The following SUGT1 variants were observed in gnomAD, a reference collection of about 807,000 sequenced individuals.
SUGT1 encodes the protein SGT1 assembly cochaperone of MIS12 kinetochore complex.
Under a neutral mutation model 56.1 loss-of-function variants are expected in SUGT1, and 15 were observed. That is an observed-to-expected ratio of 0.27 (90% CI 0.18 to 0.41). The LOEUF (loss-of-function observed/expected upper bound fraction) is 0.41. Among genes scored for constraint, SUGT1 ranks in the 10% least tolerant of loss-of-function variants. The pLI is 1.00. For missense variants in SUGT1, 347 were observed against 382.2 expected (o/e 0.91, Z 0.77); for synonymous variants, 123 against 128.6 (o/e 0.96, Z 0.30).
At chr13:52,684,549 T>G (rs567711903) in intron 12 of SUGT1, among the ~76,000 whole-genome samples, 6 of 152,098 alleles carry the variant, frequency 3.9e-5, no homozygotes, top group African/African-American at 1.4e-4. Flanking sequence ...ATCTATTCAC[T>G]CATTTTTGAG....
intron 12 of SUGT1, among the ~76,000 whole-genome samples, chr13:52,681,967 C>G (rs1265831104): frequency 8.2e-6 from 1 of 121,940 alleles, no homozygotes; most frequent in East Asian, 2.9e-4. Flanking sequence ...ACAAATCTGG[C>G]AATCTTTGTC....
intron 6 of SUGT1, 56 bp downstream of exon 6, chr13:52,662,758 AT>A: frequency 2.6e-6 from 4 of 1,567,646 alleles, no homozygotes; most frequent in Non-Finnish European, 1.7e-6. Flanking sequence ...AACATCTGAA[AT>A]TTTTTTGGTT....
At chr13:52,686,609 G>A (rs1185600961) in intron 12 of SUGT1, among the ~76,000 whole-genome samples, 1 of 152,238 alleles carries the variant, frequency 6.6e-6, no homozygotes, top group African/African-American at 2.4e-5. Context: ...GAGCTCGGTA[G>A]AGCGTGTCGG....
At chr13:52,655,067 C>G (rs1449746896) in intron 2 of SUGT1, among the ~76,000 whole-genome samples, 1 of 152,188 alleles carries the variant, frequency 6.6e-6, no homozygotes, top group African/African-American at 2.4e-5. Flanking sequence ...GAAGTGCAGC[C>G]GGGCGCGGTG....
intron 11 of SUGT1, among the ~76,000 whole-genome samples, chr13:52,677,189 GTGTT>G (rs1253400568): frequency 3.9e-5 from 6 of 152,100 alleles, no homozygotes; most frequent in Non-Finnish European, 8.8e-5. Context: ...ATTTGTGTGT[GTGTT>G]TGTGTGTGTG....
chr13:52,670,535 G>C (rs1366590654), intron 10 of SUGT1, among the ~76,000 whole-genome samples: 1 of 152,068 alleles, frequency 6.6e-6, no homozygotes, highest in Non-Finnish European at 1.5e-5. Context: ...AGTCGGGCAC[G>C]GTGGGTCATG....
In SUGT1 at chr13:52,692,456, GAA is replaced by G. The variant is rs1566205826; in HGVS notation, c.*4622_*4623del. The G allele has an allele frequency of 1.7e-3, 1 of 584 alleles. No homozygotes were observed. The highest frequency in any genetic ancestry group is 0.011 in the African/African-American group (1 of 90). 0.0% of individuals were successfully genotyped at this position (584 alleles called of 1,614,324 possible). On this transcript the variant is annotated 3_prime_UTR_variant, in exon 13 of 13. Transcript: ENST00000310528. ...AGACAGTCTCACTCTGTCGTTCAGG[GAA>G]GGAATGCAGTGGTGCAATCTTGGCT...
At chr13:52,681,394 T>G (rs1386338286) in intron 12 of SUGT1, among the ~76,000 whole-genome samples, 1 of 149,420 alleles carries the variant, frequency 6.7e-6, no homozygotes, top group African/African-American at 2.5e-5. Flanking sequence ...AACTACAGCC[T>G]GGGCAACAGA....
At chr13:52,663,050 A>G (rs1962538938) in intron 6 of SUGT1, 46 bp from the exon 7 acceptor site, 1 of 1,597,176 alleles carries the variant, frequency 6.3e-7, no homozygotes, top group Admixed American at 1.8e-5. Context: ...ACTTTGCTTA[A>G]AAATGCACTG....
rs1274399962 is a variant in SUGT1, at chr13:52,688,723, A to G, written c.*888A>G. The G allele has an allele frequency of 6.6e-6, 1 of 152,166 alleles. No individual in the cohort carries two copies. The highest frequency in any genetic ancestry group is 1.5e-5 in the Non-Finnish European group (1 of 68,028). 9.4% of individuals were successfully genotyped at this position (152,166 alleles called of 1,614,324 possible). A position where few individuals can be genotyped will look rare whatever the true frequency, so the allele number is the denominator to read the frequency against. On this transcript the variant is annotated 3_prime_UTR_variant, in exon 13 of 13. Transcript: ENST00000310528. The stretch of plus-strand genomic sequence containing the variant: ...TATGTTTAGTATTTACTCTGTGCCT[A>G]GAATATATAGATATCATGAGAATAC...
At chr13:52,665,440 T>G (rs1962655995) in intron 8 of SUGT1, among the ~76,000 whole-genome samples, 197 bp from the exon 9 acceptor site, 1 of 152,202 alleles carries the variant, frequency 6.6e-6, no homozygotes, top group Admixed American at 6.5e-5. Flanking sequence ...GTGAGCATCA[T>G]TTACCTTACC....
intron 12 of SUGT1, among the ~76,000 whole-genome samples, chr13:52,685,129 C>G (rs1293012884): frequency 6.6e-6 from 1 of 150,654 alleles, no homozygotes; most frequent in Non-Finnish European, 1.5e-5. Context: ...TACAGAGGTG[C>G]GATCATGAAT....
At chr13:52,679,941 GATTA>G (rs1963301311) in intron 11 of SUGT1, 29 bp from the exon 12 acceptor site, 1 of 1,555,856 alleles carries the variant, frequency 6.4e-7, no homozygotes, top group Non-Finnish European at 8.6e-7. Flanking sequence ...GAAACATGTT[GATTA>G]ATTACTTCTG....
intron 12 of SUGT1, among the ~76,000 whole-genome samples, chr13:52,684,843 TTC>T (rs1447689512): frequency 1.3e-5 from 2 of 151,860 alleles, no homozygotes; most frequent in African/African-American, 4.8e-5. Flanking sequence ...TCTGAAAGTT[TTC>T]TGTTTTCCTA....
chr13:52,664,664 A>G (rs1962610265), intron 8 of SUGT1, among the ~76,000 whole-genome samples: 1 of 152,198 alleles, frequency 6.6e-6, no homozygotes, highest in African/African-American at 2.4e-5. Flanking sequence ...GGTTTTGGAT[A>G]TAATTACCTA....
chr13:52,663,199 G>A (rs1962544960), intron 7 of SUGT1, 87 bp downstream of exon 7: 2 of 1,354,958 alleles, frequency 1.5e-6, no homozygotes, highest in Non-Finnish European at 2.0e-6. Context: ...AGGATGAGCT[G>A]TCTGATATTT....
intron 10 of SUGT1, among the ~76,000 whole-genome samples, chr13:52,667,459 T>A (rs1211916176): frequency 6.6e-6 from 1 of 152,034 alleles, no homozygotes; most frequent in African/African-American, 2.4e-5. Flanking sequence ...ATTCTCCTGC[T>A]TCAGCCTCCC....
chr13:52,686,253 G>C lies in SUGT1; in HGVS notation c.901-1481G>C, dbSNP rs1166265555. 3.9e-5 allele frequency among the ~76,000 whole-genome samples: 6 copies of C among 152,224 alleles called. 1 individual carries two copies. In the South Asian group the frequency reaches 8.3e-4, roughly 21 times the overall value. ...TTGGGGTAGTTTATTATACAGACTTGTCAAATGTAATTCAGTCATTTTATT... is the reference window on the plus strand; with the variant it reads ...TTGGGGTAGTTTATTATACAGACTTCTCAAATGTAATTCAGTCATTTTATT... On this transcript the variant is annotated intron_variant, in intron 12 of 12. Coordinates refer to ENST00000310528, the MANE Select transcript of SUGT1 (RefSeq NM_006704.5).
chr13:52,681,219 T>C (rs6561679), intron 12 of SUGT1, among the ~76,000 whole-genome samples: 141,868 of 148,420 alleles, frequency 0.96, 67,813 homozygotes, highest in East Asian at 0.99. Context: ...ATCTTGAGAT[T>C]AGCCTGGGCA....
Sources: gnomAD v4.1 joint callset for allele counts (sites outside exome capture counted in the v4.1 genomes callset) on GRCh38, gnomAD v4.1.1 for gene constraint, MANE v1.5 for transcripts, NCBI Gene and HGNC (gene_info 2026-07-23, HGNC 2026-07-21) for gene names.